Variants in C3orf70 observed in about 807,000 individuals in gnomAD.
C3orf70 encodes the protein UPF0524 protein C3orf70.
C3orf70 carries 15 observed loss-of-function variants against 20.7 expected under a neutral mutation model. That is an observed-to-expected ratio of 0.72 (90% CI 0.48 to 1.11). The LOEUF is 1.11. C3orf70 is among the 50% of genes most tolerant of loss of function. The pLI is 0.00. For synonymous variants in C3orf70, 161 were observed against 125.7 expected (o/e 1.28, Z -1.88); for missense variants, 332 against 317.6 (o/e 1.05, Z -0.34).
chr3:185,079,534 A>T lies in C3orf70; in HGVS notation c.*3473T>A, dbSNP rs1284757432. On this transcript the variant is annotated 3_prime_UTR_variant, in exon 2 of 2. Transcript: ENST00000335012. The stretch of plus-strand genomic sequence containing the variant: ...TAAAAAAGACCTAGATGTGATAGTA[A>T]ACCCTTATTTTTTAATATACCAAAC... The T allele has an allele frequency of 6.6e-6, 1 of 152,186 alleles. No homozygotes were observed. The highest frequency in any genetic ancestry group is 1.5e-5 in the Non-Finnish European group (1 of 68,044). The allele number at this position is 152,186 out of a possible 1,614,324, so 9.4% of individuals were successfully genotyped here.
intron 1 of C3orf70, among the ~76,000 whole-genome samples, chr3:185,102,322 C>A (rs1176825771): frequency 1.3e-5 from 2 of 152,076 alleles, no homozygotes; most frequent in Non-Finnish European, 2.9e-5. Flanking sequence ...ACAATTGACA[C>A]AAAAAATTAA....
chr3:185,100,820 T>G (rs1460576174), intron 1 of C3orf70, among the ~76,000 whole-genome samples: 1 of 149,668 alleles, frequency 6.7e-6, no homozygotes, highest in East Asian at 2.0e-4. Context: ...AGAGAGTAGA[T>G]CCAAATAAAC....
intron 1 of C3orf70, among the ~76,000 whole-genome samples, chr3:185,104,041 G>A (rs1481141034): frequency 6.6e-6 from 1 of 152,210 alleles, no homozygotes; most frequent in African/African-American, 2.4e-5. Context: ...TTTCAGATAA[G>A]AGAAGTTACT....
chr3:185,078,216 A>G lies in C3orf70; in HGVS notation c.*4791T>C, dbSNP rs1715239995. The G allele has an allele frequency of 1.3e-5, 2 of 152,666 alleles. No homozygotes were observed. The highest frequency in any genetic ancestry group is 4.1e-4 in the South Asian group (2 of 4,834). 9.5% of individuals were successfully genotyped at this position (152,666 alleles called of 1,614,324 possible). A position where few individuals can be genotyped will look rare whatever the true frequency, so the allele number is the denominator to read the frequency against. ...TAAAACTTTAAAATAGTTTTTAAAAATAGCAGAGTAAGTGAATATTGCCAG... is the reference window on the plus strand; with the variant it reads ...TAAAACTTTAAAATAGTTTTTAAAAGTAGCAGAGTAAGTGAATATTGCCAG... On this transcript the variant is annotated 3_prime_UTR_variant, in exon 2 of 2. Transcript: ENST00000335012.
intron 1 of C3orf70, among the ~76,000 whole-genome samples, chr3:185,108,684 G>C (rs866696200): frequency 6.6e-6 from 1 of 152,248 alleles, no homozygotes; most frequent in Admixed American, 6.5e-5. Flanking sequence ...TACCTGGAAA[G>C]AAGCTAAAGC....
intron 1 of C3orf70, among the ~76,000 whole-genome samples, chr3:185,118,395 T>C (rs943276531): frequency 2.0e-5 from 3 of 152,234 alleles, no homozygotes; most frequent in Admixed American, 6.5e-5. Flanking sequence ...TACTTGACTA[T>C]AGTTTTTACT....
intron 1 of C3orf70, among the ~76,000 whole-genome samples, chr3:185,088,168 C>G (rs762853588): frequency 2.7e-4 from 41 of 152,154 alleles, no homozygotes; most frequent in Non-Finnish European, 5.7e-4. Flanking sequence ...GCCTCGGCCT[C>G]CCAAAGTGCT....
intron 1 of C3orf70, among the ~76,000 whole-genome samples, chr3:185,103,735 T>C (rs1216389052): frequency 6.6e-6 from 1 of 152,170 alleles, no homozygotes; most frequent in Non-Finnish European, 1.5e-5. Context: ...TGAAAAATCA[T>C]GGCTACAGGC....
chr3:185,147,667 T>C (rs770684758), intron 1 of C3orf70, among the ~76,000 whole-genome samples: 3 of 152,232 alleles, frequency 2.0e-5, no homozygotes, highest in Non-Finnish European at 4.4e-5. Flanking sequence ...TAATTGGCTA[T>C]TAAGTGCTCA....
At position 185,082,740 on chromosome 3, in the gene C3orf70, T is replaced by C. The variant is rs1451123357; in HGVS notation, c.*267A>G. ...ACTTCACCGCCTTCAAATCTCCCAG[T>C]GAAATTAAGGCGGGGTCACAATTCA... On this transcript the variant is annotated 3_prime_UTR_variant, in exon 2 of 2. Transcript: ENST00000335012. 2.6e-6 allele frequency: 1 copy of C among 389,906 alleles called. No homozygotes were observed. The highest frequency in any genetic ancestry group is 4.6e-6 in the Non-Finnish European group (1 of 217,554). The allele number at this position is 389,906 out of a possible 1,614,324, so 24.2% of individuals were successfully genotyped here.
At chr3:185,147,334 TCTTC>T (rs1055220656) in intron 1 of C3orf70, among the ~76,000 whole-genome samples, 56 of 152,354 alleles carry the variant, frequency 3.7e-4, no homozygotes, top group African/African-American at 1.3e-3. Flanking sequence ...AATTACTTTC[TCTTC>T]CTTAACCCTT....
intron 1 of C3orf70, among the ~76,000 whole-genome samples, chr3:185,088,183 T>A: frequency 6.6e-6 from 1 of 152,200 alleles, no homozygotes; most frequent in Non-Finnish European, 1.5e-5. Flanking sequence ...AGTGCTGGGA[T>A]TACAGGTGTG....
intron 1 of C3orf70, among the ~76,000 whole-genome samples, chr3:185,123,517 T>C (rs1716349571): frequency 6.6e-6 from 1 of 151,664 alleles, no homozygotes; most frequent in African/African-American, 2.4e-5. Context: ...CTTTTTTTTT[T>C]TTTTAAGAGA....
intron 1 of C3orf70, among the ~76,000 whole-genome samples, chr3:185,120,070 A>C (rs887119944): frequency 1.4e-5 from 2 of 145,664 alleles, no homozygotes; most frequent in African/African-American, 5.0e-5. Context: ...CAAAGATCAT[A>C]TACTTGGTCA....
rs1716698717 is a variant in C3orf70, at chr3:185,139,354, A to G, written c.196+13274T>C. 2.0e-5 allele frequency among the ~76,000 whole-genome samples: 3 copies of G among 151,930 alleles called. No individual in the cohort carries two copies. In the South Asian group the frequency reaches 6.2e-4, roughly 32 times the overall value. ...GATCACCAGAGGTCAGGAGTTCGAG[A>G]CCAGCCTGGCCAACATGGTGAAACC... is the stretch of plus-strand genomic sequence containing the variant. On this transcript the variant is annotated intron_variant, in intron 1 of 1. Coordinates refer to ENST00000335012, the MANE Select transcript of C3orf70 (RefSeq NM_001025266.3).
Position 185,133,713 on chromosome 3 carries a change from C to T in C3orf70, c.196+18915G>A, listed in dbSNP as rs141196184. Among the ~76,000 whole-genome samples the T allele has an allele frequency of 9.4e-4, 143 of 152,324 alleles. 1 individual carries two copies. Among genetic ancestry groups the T allele is most frequent in the African/African-American group, 3.3e-3 (137 of 41,566 alleles). ...GAGCCCAGATCACACTACTGCACTG[C>T]AGCCTGGGTGACAGAGTGAGACTTG... On this transcript the variant is annotated intron_variant, in intron 1 of 1. Coordinates refer to ENST00000335012, the MANE Select transcript of C3orf70 (RefSeq NM_001025266.3).
chr3:185,152,515 G>C, intron 1 of C3orf70, 113 bp downstream of exon 1: 1 of 933,962 alleles, frequency 1.1e-6, no homozygotes, highest in Admixed American at 4.0e-5. Flanking sequence ...CGGCAGAGCA[G>C]CCCCGGCAGA....
rs1172875304 is a variant in C3orf70 at position 185,091,947 on chromosome 3, ATATATATATATATATATTTT to A, written c.197-8404_197-8385del. Among the ~76,000 whole-genome samples, 92 of 14,092 alleles carry A rather than the reference ATATATATATATATATATTTT, an allele frequency of 6.5e-3. 2 individuals are homozygous for A. Among genetic ancestry groups the A allele is most frequent in the East Asian group, 0.041 (17 of 412 alleles). 9.2% of individuals were successfully genotyped at this position (14,092 alleles called of 152,430 possible). On this transcript the variant is annotated intron_variant, in intron 1 of 1. Coordinates refer to ENST00000335012, the MANE Select transcript of C3orf70 (RefSeq NM_001025266.3). Reference sequence around the variant, plus strand: ...TATATATATATATATATATATATATATATATATATATATATATTTTTTTTTTTTTTTAGTAGAGACAGGGT... The same window carrying A: ...TATATATATATATATATATATATATATTTTTTTTTTTAGTAGAGACAGGGT...
intron 1 of C3orf70, among the ~76,000 whole-genome samples, chr3:185,101,691 G>C (rs1378211873): frequency 2.0e-5 from 3 of 152,084 alleles, no homozygotes; most frequent in African/African-American, 7.2e-5. Flanking sequence ...GATCTGGTAA[G>C]AACTCTGTCA....
Sources: allele counts gnomAD v4.1 joint callset (sites outside exome capture counted in the v4.1 genomes callset), GRCh38; gene constraint gnomAD v4.1.1; transcripts MANE v1.5; gene names NCBI Gene and HGNC (gene_info 2026-07-23, HGNC 2026-07-21).